The following ADGRB3 variants were observed in gnomAD, a reference collection of about 807,000 sequenced individuals.
ADGRB3 encodes adhesion G protein-coupled receptor B3.
A neutral mutation model predicts 193.4 loss-of-function variants in ADGRB3; 37 were observed. The observed-to-expected ratio is 0.19, with a 90% CI of 0.15 to 0.25. The LOEUF (loss-of-function observed/expected upper bound fraction) is 0.25, where lower values mean the gene tolerates loss of function less well. ADGRB3 is among the 10% of genes least tolerant of loss of function. The probability of loss-of-function intolerance (pLI) is 1.00; values close to 1 mark genes in which losing one functional copy is unlikely to be tolerated. For synonymous variants in ADGRB3, 690 were observed against 644.2 expected, an observed-to-expected ratio of 1.07 and a Z score of -1.08; for missense variants, 1,637 against 1,852.9, an observed-to-expected ratio of 0.88 and a Z score of 2.14.
chr6:69,333,417 A>G (rs944159619), intron 24 of ADGRB3, among the ~76,000 whole-genome samples: 2 of 152,130 alleles, frequency 1.3e-5, no homozygotes, highest in African/African-American at 4.8e-5. Context: ...AACAGGGCAA[A>G]ATACTATATT....
At chr6:69,013,606 A>G (rs1291884167) in intron 11 of ADGRB3, among the ~76,000 whole-genome samples, 2 of 152,142 alleles carry the variant, frequency 1.3e-5, no homozygotes, top group African/African-American at 2.4e-5. Context: ...CTTTGCCTAT[A>G]GTCTTACTAG....
At chr6:69,197,732 A>G (rs530456181) in intron 17 of ADGRB3, among the ~76,000 whole-genome samples, 23 of 152,146 alleles carry the variant, frequency 1.5e-4, no homozygotes, top group African/African-American at 5.5e-4. Context: ...AATATTATCA[A>G]GTGTAGGTAC....
chr6:68,878,523 G>T (rs573266139), intron 3 of ADGRB3, among the ~76,000 whole-genome samples: 1 of 152,068 alleles, frequency 6.6e-6, no homozygotes, highest in African/African-American at 2.4e-5. Context: ...ATTTGTGTTT[G>T]TGCTATTTAC....
At chr6:69,167,914 A>C (rs544225729) in intron 17 of ADGRB3, among the ~76,000 whole-genome samples, 10 of 152,262 alleles carry the variant, frequency 6.6e-5, no homozygotes, top group Admixed American at 5.2e-4. Flanking sequence ...TCCCACAACA[A>C]TGGAATTTTT....
At chr6:68,880,775 AATAT>A (rs10543839) in intron 3 of ADGRB3, among the ~76,000 whole-genome samples, 132,583 of 151,820 alleles carry the variant, frequency 0.87, 58,156 homozygotes, top group Middle Eastern at 0.95. Flanking sequence ...AAAACAAATT[AATAT>A]ATATAGTTCA....
At chr6:68,907,491 A>G (rs1562080929) in intron 3 of ADGRB3, among the ~76,000 whole-genome samples, 1 of 151,934 alleles carries the variant, frequency 6.6e-6, no homozygotes, top group Non-Finnish European at 1.5e-5. Context: ...TTAGAGTTTC[A>G]TCACTAAATT....
At chr6:69,334,046 G>C (rs1030542924) in intron 24 of ADGRB3, among the ~76,000 whole-genome samples, 2 of 150,716 alleles carry the variant, frequency 1.3e-5, no homozygotes, top group Non-Finnish European at 3.0e-5. Flanking sequence ...TGACAGTAAC[G>C]TCTCATATAT....
chr6:68,778,584 T>C (rs1357478084), intron 3 of ADGRB3, among the ~76,000 whole-genome samples: 2 of 152,152 alleles, frequency 1.3e-5, no homozygotes, highest in Non-Finnish European at 2.9e-5. Context: ...GTCATCGGCA[T>C]AATTTTAATT....
chr6:68,955,346 T>C (rs988478114), intron 6 of ADGRB3, among the ~76,000 whole-genome samples: 2 of 152,266 alleles, frequency 1.3e-5, no homozygotes, highest in African/African-American at 2.4e-5. Flanking sequence ...TCATGGTTTA[T>C]TTCTAGGGGT....
At chr6:69,240,404 C>T (rs544628933) in intron 20 of ADGRB3, among the ~76,000 whole-genome samples, 10 of 152,144 alleles carry the variant, frequency 6.6e-5, no homozygotes, top group African/African-American at 2.4e-4. Context: ...TTTAATTTTC[C>T]TCCACTTATT....
Position 68,873,019 on chromosome 6 carries a change from A to T in ADGRB3, c.758-57540A>T, listed in dbSNP as rs1191433162. Among the ~76,000 whole-genome samples, 7 of 152,262 alleles carry T rather than the reference A, an allele frequency of 4.6e-5. No individual in the cohort carries two copies. In the East Asian group the frequency reaches 1.4e-3, roughly 29 times the overall value. ...TTTGGCTGTTTAGATTCATTAATGT[A>T]GAGTGGCTACATTCTTCTCCAAGTT... On this transcript the variant is annotated intron_variant, in intron 3 of 31. Coordinates refer to ENST00000370598, the MANE Select transcript of ADGRB3 (RefSeq NM_001704.3).
At chr6:69,078,940 ATGTT>A (rs1221791608) in intron 17 of ADGRB3, among the ~76,000 whole-genome samples, 1 of 152,076 alleles carries the variant, frequency 6.6e-6, no homozygotes, top group African/African-American at 2.4e-5. Flanking sequence ...AAAAGAATGA[ATGTT>A]TGCATGTTTC....
chr6:69,171,020 T>C (rs1775258235), intron 17 of ADGRB3, among the ~76,000 whole-genome samples: 1 of 152,198 alleles, frequency 6.6e-6, no homozygotes, highest in East Asian at 1.9e-4. Flanking sequence ...AATTTAGTAA[T>C]TGTAACTCTA....
At position 68,651,584 on chromosome 6, in the gene ADGRB3, A is replaced by G. The variant is rs568606515; in HGVS notation, c.757+12152A>G. 3.3e-5 allele frequency among the ~76,000 whole-genome samples: 5 copies of G among 152,300 alleles called. No homozygotes were observed. In the East Asian group the frequency reaches 9.7e-4, roughly 29 times the overall value. On this transcript the variant is annotated intron_variant, in intron 3 of 31. Coordinates refer to ENST00000370598, the MANE Select transcript of ADGRB3 (RefSeq NM_001704.3). ...TGGAGCAGTGGGAGTTTAGGAGAGC[A>G]GAAGTTGATCCACTAAATAAAGAAC... is the stretch of plus-strand genomic sequence containing the variant.
chr6:68,909,980 C>T (rs1011549754), intron 3 of ADGRB3, among the ~76,000 whole-genome samples: 7 of 152,194 alleles, frequency 4.6e-5, no homozygotes, highest in Non-Finnish European at 1.0e-4. Flanking sequence ...GGAATCGCCA[C>T]GCTGTCTTCC....
chr6:68,904,475 G>A lies in ADGRB3; in HGVS notation c.758-26084G>A, dbSNP rs185088410. Among the ~76,000 whole-genome samples the A allele has an allele frequency of 2.3e-3, 351 of 152,200 alleles. 3 individuals are homozygous for A. The highest frequency in any genetic ancestry group is 7.3e-3 in the African/African-American group (305 of 41,536). On this transcript the variant is annotated intron_variant, in intron 3 of 31. Transcript: ENST00000370598. ...TCTCGTTTGGCTTTGCTACAAAGAC[G>A]TAACCAATTTTAAAAGTTGATGTAA... is the stretch of plus-strand genomic sequence containing the variant.
At chr6:68,793,848 T>G (rs1444924144) in intron 3 of ADGRB3, among the ~76,000 whole-genome samples, 1 of 152,142 alleles carries the variant, frequency 6.6e-6, no homozygotes, top group Non-Finnish European at 1.5e-5. Context: ...AATTTTTAAT[T>G]GGATAAAATT....
intron 3 of ADGRB3, among the ~76,000 whole-genome samples, chr6:68,836,390 G>A (rs769498774): frequency 3.9e-5 from 6 of 152,188 alleles, no homozygotes; most frequent in Non-Finnish European, 7.4e-5. Flanking sequence ...CTAGATTGTG[G>A]TTCAGGGTTT....
intron 11 of ADGRB3, among the ~76,000 whole-genome samples, chr6:69,001,185 G>A (rs1160416215): frequency 1.3e-5 from 2 of 152,220 alleles, no homozygotes; most frequent in South Asian, 2.1e-4. Context: ...ATAGAATCTG[G>A]AGAAGCAAGT....
Sources: gnomAD v4.1 joint callset for allele counts (sites outside exome capture counted in the v4.1 genomes callset) on GRCh38, gnomAD v4.1.1 for gene constraint, MANE v1.5 for transcripts, NCBI Gene and HGNC (gene_info 2026-07-23, HGNC 2026-07-21) for gene names.